Variants in IGSF21 observed in about 807,000 individuals in gnomAD.
IGSF21 encodes the protein immunoglobin superfamily member 21.
Under a neutral mutation model 46.8 loss-of-function variants are expected in IGSF21, and 28 were observed. The observed-to-expected ratio is 0.60, with a 90% confidence interval of 0.44 to 0.82. The LOEUF (loss-of-function observed/expected upper bound fraction) is 0.82. Ranked by LOEUF, IGSF21 falls within the 40% of genes least tolerant of loss-of-function variation. IGSF21 has a pLI of 0.00. For synonymous variants in IGSF21, 284 were observed against 273.6 expected (o/e 1.04, Z -0.38); for missense variants, 624 against 665.5 (o/e 0.94, Z 0.69).
At chr1:18,169,282 C>A (rs188199522) in intron 1 of IGSF21, among the ~76,000 whole-genome samples, 1 of 152,334 alleles carries the variant, frequency 6.6e-6, no homozygotes, top group Non-Finnish European at 1.5e-5. Flanking sequence ...AGTGTCAGGT[C>A]CTGAGGGTGG....
chr1:18,121,580 C>G (rs2124407855), intron 1 of IGSF21, among the ~76,000 whole-genome samples: 1 of 152,276 alleles, frequency 6.6e-6, no homozygotes, highest in East Asian at 1.9e-4. Flanking sequence ...GGCTCATTCT[C>G]TAAAGTACTC....
At chr1:18,183,680 T>G (rs1367264536) in intron 1 of IGSF21, among the ~76,000 whole-genome samples, 8 of 152,186 alleles carry the variant, frequency 5.3e-5, no homozygotes, top group African/African-American at 1.4e-4. Flanking sequence ...TTGCGTGAGT[T>G]GGGCTCAGCT....
chr1:18,147,033 A>T (rs1323064803), intron 1 of IGSF21, among the ~76,000 whole-genome samples: 1 of 152,000 alleles, frequency 6.6e-6, no homozygotes, highest in African/African-American at 2.4e-5. Flanking sequence ...CCCCCAATAC[A>T]TCCTGCATCT....
intron 4 of IGSF21, among the ~76,000 whole-genome samples, chr1:18,350,602 T>C (rs1357534757): frequency 6.6e-6 from 1 of 152,108 alleles, no homozygotes; most frequent in Non-Finnish European, 1.5e-5. Flanking sequence ...TTTGGTAGGT[T>C]TGGAAATTTG....
intron 1 of IGSF21, among the ~76,000 whole-genome samples, chr1:18,186,379 A>G (rs555522625): frequency 6.6e-6 from 1 of 152,242 alleles, no homozygotes; most frequent in South Asian, 2.1e-4. Flanking sequence ...GAAGATGGAT[A>G]CCATCTGTCT....
At chr1:18,156,165 TG>T (rs2086566484) in intron 1 of IGSF21, among the ~76,000 whole-genome samples, 1 of 151,690 alleles carries the variant, frequency 6.6e-6, no homozygotes. Flanking sequence ...TCTGATAGAG[TG>T]GGTGGGCATC....
intron 1 of IGSF21, chr1:18,179,234 C>T (rs2086833531): frequency 6.6e-6 from 1 of 152,138 alleles, no homozygotes; most frequent in Non-Finnish European, 1.5e-5. Flanking sequence ...CAGCTCACGG[C>T]AACTCAACAG....
chr1:18,316,949 C>T (rs537678281), intron 3 of IGSF21, among the ~76,000 whole-genome samples: 128 of 152,130 alleles, frequency 8.4e-4, no homozygotes, highest in Non-Finnish European at 1.1e-3. Context: ...TGCAAGTAGA[C>T]AGAGTGGCTC....
chr1:18,126,433 T>A (rs1379002333), intron 1 of IGSF21, among the ~76,000 whole-genome samples: 1 of 152,096 alleles, frequency 6.6e-6, no homozygotes, highest in Non-Finnish European at 1.5e-5. Flanking sequence ...GCCTTTGGGT[T>A]GTCCCAGGTC....
intron 1 of IGSF21, among the ~76,000 whole-genome samples, chr1:18,139,944 A>T (rs1008807739): frequency 1.0e-4 from 15 of 144,018 alleles, no homozygotes; most frequent in East Asian, 4.5e-4. Context: ...CTTTTTTTTA[A>T]AAAAAATAAA....
chr1:18,196,029 G>T (rs2087004299), intron 1 of IGSF21, among the ~76,000 whole-genome samples: 2 of 152,230 alleles, frequency 1.3e-5, no homozygotes. Context: ...ATGCTGGGGG[G>T]TTGTGTGCAG....
intron 2 of IGSF21, chr1:18,278,948 C>T (rs551177813): frequency 1.1e-5 from 5 of 470,464 alleles, no homozygotes; most frequent in Admixed American, 2.4e-5. Flanking sequence ...GGGAAATGTT[C>T]GTAATCAAAT....
intron 4 of IGSF21, among the ~76,000 whole-genome samples, chr1:18,336,887 G>A (rs563853764): frequency 4.6e-5 from 7 of 152,202 alleles, no homozygotes; most frequent in South Asian, 2.1e-4. Flanking sequence ...ATCTCACATG[G>A]TGGAAGACAA....
At chr1:18,291,584 A>G (rs1201103161) in intron 2 of IGSF21, among the ~76,000 whole-genome samples, 1 of 152,182 alleles carries the variant, frequency 6.6e-6, no homozygotes, top group Non-Finnish European at 1.5e-5. Flanking sequence ...TGAAGGCAGC[A>G]AGCTTCCCCT....
At chr1:18,333,702 C>T (rs184358578) in intron 3 of IGSF21, among the ~76,000 whole-genome samples, 1 of 152,206 alleles carries the variant, frequency 6.6e-6, no homozygotes, top group Non-Finnish European at 1.5e-5. Flanking sequence ...GAAAGAGCCT[C>T]CCTGCTTGCA....
At chr1:18,202,322 A>G (rs1216223546) in intron 1 of IGSF21, among the ~76,000 whole-genome samples, 9 of 152,190 alleles carry the variant, frequency 5.9e-5, no homozygotes, top group Admixed American at 2.0e-4. Context: ...CTGGGAGCCA[A>G]ACTCCTAGGT....
chr1:18,174,807 T>C lies in IGSF21; in HGVS notation c.71-53091T>C, dbSNP rs144197874. Among the ~76,000 whole-genome samples, 10 of 152,358 alleles carry C rather than the reference T, an allele frequency of 6.6e-5. 1 individual carries two copies. In the East Asian group the frequency reaches 1.9e-3, roughly 29 times the overall value. ...GACACACTCTGCCTGGCTTCTCCTG[T>C]GCCCTGACAGTGGTTCTTGACATAG... On this transcript the variant is annotated intron_variant, in intron 1 of 9. Transcript: ENST00000251296.
chr1:18,153,367 A>G (rs1162215680), intron 1 of IGSF21, among the ~76,000 whole-genome samples: 3 of 152,232 alleles, frequency 2.0e-5, no homozygotes. Context: ...TTCACTCCGC[A>G]GAGGAGGCCC....
At chr1:18,329,737 A>C (rs562171104) in intron 3 of IGSF21, among the ~76,000 whole-genome samples, 5 of 152,136 alleles carry the variant, frequency 3.3e-5, no homozygotes, top group African/African-American at 1.2e-4. Context: ...AGGGACCAAA[A>C]CCTCTAGCAT....
Sources: gnomAD v4.1 joint callset for allele counts (sites outside exome capture counted in the v4.1 genomes callset) on GRCh38, gnomAD v4.1.1 for gene constraint, MANE v1.5 for transcripts, NCBI Gene and HGNC (gene_info 2026-07-23, HGNC 2026-07-21) for gene names.